The following CTNNA3 variants were observed in gnomAD, a reference collection of about 807,000 sequenced individuals.
CTNNA3 encodes the protein catenin alpha 3.
Under a neutral mutation model 95.7 loss-of-function variants are expected in CTNNA3, and 76 were observed. The observed-to-expected ratio is 0.79, with a 90% CI of 0.66 to 0.96. CTNNA3 has a LOEUF of 0.96. CTNNA3 is among the 40% of genes least tolerant of loss of function. The pLI is 0.00. For synonymous variants in CTNNA3, 431 were observed against 374.4 expected, an observed-to-expected ratio of 1.15 and a Z score of -1.74; for missense variants, 1,191 against 1,089.8, an observed-to-expected ratio of 1.09 and a Z score of -1.31.
At chr10:67,505,278 T>C (rs941095330) in intron 5 of CTNNA3, among the ~76,000 whole-genome samples, 1 of 152,236 alleles carries the variant, frequency 6.6e-6, no homozygotes, top group African/African-American at 2.4e-5. Flanking sequence ...TCACAGATGA[T>C]CATTATCAAA....
At chr10:66,066,144 T>C (rs2133589669) in intron 15 of CTNNA3, among the ~76,000 whole-genome samples, 1 of 152,280 alleles carries the variant, frequency 6.6e-6, no homozygotes, top group East Asian at 1.9e-4. Context: ...ATTACAGGCG[T>C]GAGCCACCGC....
intron 7 of CTNNA3, among the ~76,000 whole-genome samples, chr10:67,144,748 TA>T (rs1860760511): frequency 6.6e-6 from 1 of 152,218 alleles, no homozygotes; most frequent in East Asian, 1.9e-4. Context: ...TCCAGACCAC[TA>T]AAACCTTACA....
chr10:67,390,232 G>T (rs887597397), intron 5 of CTNNA3, among the ~76,000 whole-genome samples: 21 of 152,166 alleles, frequency 1.4e-4, no homozygotes, highest in African/African-American at 4.8e-4. Context: ...TATCACCACC[G>T]ATCCCACAGA....
intron 13 of CTNNA3, among the ~76,000 whole-genome samples, chr10:66,265,279 G>C (rs987150004): frequency 4.6e-5 from 7 of 151,966 alleles, no homozygotes; most frequent in Non-Finnish European, 7.4e-5. Context: ...ACATTAATTA[G>C]CTACATGGAT....
chr10:66,161,739 C>T (rs1028720901), intron 13 of CTNNA3, among the ~76,000 whole-genome samples: 2 of 152,150 alleles, frequency 1.3e-5, no homozygotes, highest in African/African-American at 4.8e-5. Flanking sequence ...ATTTGGATGT[C>T]TAGGTCTCTA....
At chr10:66,532,908 G>A (rs1564516318) in intron 10 of CTNNA3, among the ~76,000 whole-genome samples, 1 of 151,888 alleles carries the variant, frequency 6.6e-6, no homozygotes, top group East Asian at 1.9e-4. Context: ...CTTCTGATGG[G>A]TTCCTAGAAA....
At chr10:67,432,802 G>A (rs745427633) in intron 5 of CTNNA3, among the ~76,000 whole-genome samples, 11 of 151,750 alleles carry the variant, frequency 7.2e-5, no homozygotes, top group Non-Finnish European at 1.3e-4. Context: ...TCTTTTTGGG[G>A]GTCACCATTC....
intron 7 of CTNNA3, among the ~76,000 whole-genome samples, chr10:67,014,740 T>A (rs1852551155): frequency 6.6e-6 from 1 of 151,976 alleles, no homozygotes; most frequent in African/African-American, 2.4e-5. Context: ...TTCAGAAAGT[T>A]TCACTTTAAG....
chr10:66,005,764 T>C (rs1387105718), intron 15 of CTNNA3, among the ~76,000 whole-genome samples: 1 of 152,136 alleles, frequency 6.6e-6, no homozygotes, highest in Non-Finnish European at 1.5e-5. Context: ...CATTTTTTTT[T>C]CAGGTGATTA....
In CTNNA3 at chr10:66,399,310, G is replaced by A. The variant is rs556418906; in HGVS notation, c.1532-19958C>T. On this transcript the variant is annotated intron_variant, in intron 11 of 17. Coordinates refer to ENST00000433211, the MANE Select transcript of CTNNA3 (RefSeq NM_013266.4). Reference sequence around the variant, plus strand: ...TTTCCTGCATCTGGTTGCCTCTTGTGTCTTCTGCACTAGTGAATTTTCAAC... The same window carrying A: ...TTTCCTGCATCTGGTTGCCTCTTGTATCTTCTGCACTAGTGAATTTTCAAC... Among the ~76,000 whole-genome samples the A allele has an allele frequency of 1.5e-4, 23 of 151,618 alleles. No homozygotes were observed. The South Asian group carries it at 3.9e-3, about 26-fold the overall frequency.
At chr10:67,102,554 A>C (rs1396881218) in intron 7 of CTNNA3, among the ~76,000 whole-genome samples, 1 of 151,816 alleles carries the variant, frequency 6.6e-6, no homozygotes, top group Non-Finnish European at 1.5e-5. Flanking sequence ...TCTAGGACTT[A>C]GGCTACTAAG....
intron 5 of CTNNA3, among the ~76,000 whole-genome samples, chr10:67,384,916 A>G (rs552164331): frequency 7.2e-5 from 11 of 152,168 alleles, no homozygotes; most frequent in Non-Finnish European, 1.3e-4. Flanking sequence ...AAAGATTTGA[A>G]TTTCTTTTCA....
intron 12 of CTNNA3, among the ~76,000 whole-genome samples, chr10:66,322,105 C>A (rs769069969): frequency 1.3e-5 from 2 of 152,012 alleles, no homozygotes; most frequent in Admixed American, 1.3e-4. Flanking sequence ...CAGAGGATTT[C>A]GAATCTTTTT....
intron 7 of CTNNA3, among the ~76,000 whole-genome samples, chr10:66,894,418 CT>C (rs1845395922): frequency 6.6e-6 from 1 of 152,020 alleles, no homozygotes; most frequent in South Asian, 2.1e-4. Flanking sequence ...GCTTCCCTCT[CT>C]CTTCCTTTCT....
intron 1 of CTNNA3, among the ~76,000 whole-genome samples, chr10:67,726,363 A>AATATACGATATT (rs1841216970): frequency 2.4e-5 from 1 of 41,618 alleles, no homozygotes; most frequent in African/African-American, 1.3e-4. Context: ...TATATGATAT[A>AATATACGATATT]ATATATGATA....
At chr10:66,103,477 G>A (rs1435212389) in intron 13 of CTNNA3, among the ~76,000 whole-genome samples, 4 of 152,132 alleles carry the variant, frequency 2.6e-5, no homozygotes, top group Non-Finnish European at 5.9e-5. Flanking sequence ...GAAACCAAAT[G>A]TATGCTTACT....
At chr10:66,619,174 C>G (rs1844647514) in intron 10 of CTNNA3, among the ~76,000 whole-genome samples, 2 of 151,270 alleles carry the variant, frequency 1.3e-5, no homozygotes, top group Admixed American at 6.6e-5. Flanking sequence ...GGATCTAGAA[C>G]TAGAAATACC....
rs201326026 is a variant in CTNNA3, at chr10:66,106,337, T to TTGTGTG, written c.1885-3094_1885-3089dup. On this transcript the variant is annotated intron_variant, in intron 13 of 17. Transcript: ENST00000433211. ...CTGGAAGTTTTGTGTGTGTGTGTGT[T>TTGTGTG]TGTGTGTGTGTGTGTGTGTGTGTGT... Among the ~76,000 whole-genome samples, 410 of 145,542 alleles carry TTGTGTG rather than the reference T, an allele frequency of 2.8e-3. 3 individuals are homozygous for TTGTGTG. The highest frequency in any genetic ancestry group is 5.5e-3 in the African/African-American group (214 of 38,950).
At chr10:67,356,792 C>T (rs1306367510) in intron 5 of CTNNA3, among the ~76,000 whole-genome samples, 1 of 152,078 alleles carries the variant, frequency 6.6e-6, no homozygotes, top group Non-Finnish European at 1.5e-5. Context: ...TCCCTGGTGG[C>T]CCTCTCTTCC....
Sources: gnomAD v4.1 joint callset for allele counts (sites outside exome capture counted in the v4.1 genomes callset) on GRCh38, gnomAD v4.1.1 for gene constraint, MANE v1.5 for transcripts, NCBI Gene and HGNC (gene_info 2026-07-23, HGNC 2026-07-21) for gene names.